Variants in PDE3B observed in about 807,000 individuals in gnomAD.
PDE3B encodes cGMP-inhibited 3',5'-cyclic phosphodiesterase 3B.
A neutral mutation model predicts 116.8 loss-of-function variants in PDE3B; 66 were observed. The observed-to-expected ratio is 0.56, with a 90% CI of 0.46 to 0.69. The LOEUF is 0.69. PDE3B is among the 30% of genes least tolerant of loss of function. The pLI is 0.00. For synonymous variants in PDE3B, 595 were observed against 533.6 expected, an observed-to-expected ratio of 1.12 and a Z score of -1.59; for missense variants, 1,384 against 1,368.1, an observed-to-expected ratio of 1.01 and a Z score of -0.18.
intron 1 of PDE3B, among the ~76,000 whole-genome samples, chr11:14,765,868 G>T (rs116171625): frequency 0.021 from 3,128 of 150,324 alleles, 112 homozygotes; most frequent in African/African-American, 0.072. Context: ...TTATTTACAA[G>T]ATCTACTTTG....
intron 1 of PDE3B, among the ~76,000 whole-genome samples, chr11:14,650,095 T>C (rs1046391378): frequency 6.6e-6 from 1 of 152,142 alleles, no homozygotes; most frequent in Non-Finnish European, 1.5e-5. Context: ...CCTTCTGGCA[T>C]TGATTTACCT....
the PDE3B span, chr11:14,891,676 A>C: frequency 8.6e-7 from 1 of 1,163,546 alleles, no homozygotes. Flanking sequence ...GCGGCTGGCG[A>C]GCCAAACGGC....
chr11:14,862,227 T>A (rs186660804), intron 14 of PDE3B, among the ~76,000 whole-genome samples: 6 of 152,320 alleles, frequency 3.9e-5, no homozygotes, highest in Middle Eastern at 3.4e-3. Flanking sequence ...GATGGTCACC[T>A]GACATTTCTG....
intron 1 of PDE3B, among the ~76,000 whole-genome samples, chr11:14,710,981 A>G (rs1165792187): frequency 6.6e-6 from 1 of 152,242 alleles, no homozygotes; most frequent in Non-Finnish European, 1.5e-5. Flanking sequence ...GTTAAAGACT[A>G]GTATATAATA....
At chr11:14,696,685 T>TGA (rs1323299893) in intron 1 of PDE3B, among the ~76,000 whole-genome samples, 1 of 152,116 alleles carries the variant, frequency 6.6e-6, no homozygotes, top group Non-Finnish European at 1.5e-5. Context: ...TTCTTTATAT[T>TGA]ATGTATTTTA....
At chr11:14,785,926 T>G (rs992444752) in intron 2 of PDE3B, among the ~76,000 whole-genome samples, 3 of 152,110 alleles carry the variant, frequency 2.0e-5, no homozygotes, top group Non-Finnish European at 4.4e-5. Flanking sequence ...TTTACATATA[T>G]TATCAGATTT....
intron 1 of PDE3B, among the ~76,000 whole-genome samples, chr11:14,694,928 A>T (rs756023292): frequency 6.6e-6 from 1 of 152,192 alleles, no homozygotes; most frequent in East Asian, 1.9e-4. Context: ...ACTGTAAGGT[A>T]TATTAGTCTC....
chr11:14,770,790 A>G (rs1160035331), intron 1 of PDE3B, among the ~76,000 whole-genome samples: 1 of 151,616 alleles, frequency 6.6e-6, no homozygotes, highest in Non-Finnish European at 1.5e-5. Context: ...ACGTTCTGCA[A>G]GGATATTGAT....
At chr11:14,812,991 A>G (rs1859198713) in intron 5 of PDE3B, among the ~76,000 whole-genome samples, 1 of 152,156 alleles carries the variant, frequency 6.6e-6, no homozygotes, top group South Asian at 2.1e-4. Context: ...CCCTTCCGCC[A>G]TGTGAGGACA....
At chr11:14,725,268 T>C (rs1482155401) in intron 1 of PDE3B, among the ~76,000 whole-genome samples, 1 of 150,988 alleles carries the variant, frequency 6.6e-6, no homozygotes, top group Non-Finnish European at 1.5e-5. Context: ...TCTTTCTTTC[T>C]CTTTCTTTTT....
intron 4 of PDE3B, among the ~76,000 whole-genome samples, chr11:14,793,928 C>A (rs1048976221): frequency 6.6e-6 from 1 of 152,214 alleles, no homozygotes; most frequent in African/African-American, 2.4e-5. Context: ...TTGTGTCATC[C>A]TACTCAGCTT....
chr11:14,817,533 T>C (rs2133948942), intron 5 of PDE3B, among the ~76,000 whole-genome samples: 1 of 152,280 alleles, frequency 6.6e-6, no homozygotes, highest in East Asian at 1.9e-4. Context: ...GAGGATGACT[T>C]GAGCCCAGGT....
intron 12 of PDE3B, among the ~76,000 whole-genome samples, chr11:14,853,139 T>C (rs1008273248): frequency 2.0e-5 from 3 of 152,132 alleles, no homozygotes; most frequent in Non-Finnish European, 4.4e-5. Context: ...CCTTTAGATA[T>C]CCGTATACGC....
At chr11:14,691,899 T>C (rs1244510114) in intron 1 of PDE3B, among the ~76,000 whole-genome samples, 2 of 152,202 alleles carry the variant, frequency 1.3e-5, no homozygotes, top group Non-Finnish European at 2.9e-5. Context: ...TTGTGTTTAC[T>C]AAGATCAAAT....
chr11:14,760,956 T>C (rs961717597), intron 1 of PDE3B, among the ~76,000 whole-genome samples: 4 of 152,212 alleles, frequency 2.6e-5, no homozygotes, highest in Non-Finnish European at 5.9e-5. Context: ...TTTTGAAATA[T>C]ACAATAAATT....
chr11:14,682,944 T>C (rs1219859903), intron 1 of PDE3B, among the ~76,000 whole-genome samples: 2 of 151,868 alleles, frequency 1.3e-5, no homozygotes, highest in Non-Finnish European at 2.9e-5. Context: ...GTATTGATTT[T>C]TTTTTTTTTT....
intron 1 of PDE3B, among the ~76,000 whole-genome samples, chr11:14,659,067 C>A (rs1035983649): frequency 6.6e-6 from 1 of 152,128 alleles, no homozygotes; most frequent in Non-Finnish European, 1.5e-5. Flanking sequence ...CTTGATGTCA[C>A]AAAACCCAGC....
At chr11:14,807,121 G>A (rs951577728) in intron 5 of PDE3B, among the ~76,000 whole-genome samples, 1 of 152,036 alleles carries the variant, frequency 6.6e-6, no homozygotes, top group Non-Finnish European at 1.5e-5. Context: ...CTGGGGGGCT[G>A]GGGGAGGGAT....
At chr11:14,681,466 C>A (rs987915987) in intron 1 of PDE3B, among the ~76,000 whole-genome samples, 2 of 152,142 alleles carry the variant, frequency 1.3e-5, no homozygotes, top group Non-Finnish European at 2.9e-5. Flanking sequence ...TGTACAAATT[C>A]TCTCTTGCCA....
Sources: allele counts gnomAD v4.1 joint callset (sites outside exome capture counted in the v4.1 genomes callset), GRCh38; gene constraint gnomAD v4.1.1; transcripts MANE v1.5; gene names NCBI Gene and HGNC (gene_info 2026-07-23, HGNC 2026-07-21).